The following PHF6 variants were observed in gnomAD, a reference collection of about 807,000 sequenced individuals.
The protein encoded by PHF6 is PHD-like zinc finger protein.
Under a neutral mutation model 34.0 loss-of-function variants are expected in PHF6, and 7 were observed. The ratio of observed to expected loss-of-function variants is 0.21; its 90% CI spans 0.12 to 0.39. The LOEUF (loss-of-function observed/expected upper bound fraction) is 0.39. Among genes scored for constraint, PHF6 ranks in the 10% least tolerant of loss-of-function variants. The pLI, the probability that PHF6 is intolerant of heterozygous loss-of-function variation, is 1.00. For missense variants in PHF6, 128 were observed against 262.8 expected, an observed-to-expected ratio of 0.49 and a Z score of 3.55; for synonymous variants, 89 against 88.4, an observed-to-expected ratio of 1.01 and a Z score of -0.04.
At chrX:134,388,587 T>C (rs1346057384) in intron 3 of PHF6, among the ~76,000 whole-genome samples, 2 of 111,501 alleles carry the variant, frequency 1.8e-5, no homozygotes, top group Admixed American at 9.6e-5. Flanking sequence ...ATATTAGATA[T>C]AGGACAATGA....
intron 3 of PHF6, among the ~76,000 whole-genome samples, chrX:134,386,662 C>T (rs1007377807): frequency 1.8e-5 from 2 of 111,138 alleles, no homozygotes; most frequent in Admixed American, 9.5e-5. Flanking sequence ...GTGATCCACC[C>T]GCCTCGGCCT....
chrX:134,425,550 G>A, intron 10 of PHF6, 111 bp from the exon 11 acceptor site: 1 of 395,715 alleles, frequency 2.5e-6, no homozygotes, highest in Non-Finnish European at 4.4e-6. Context: ...TTATCAATAA[G>A]TGTAGTTGTA....
intron 9 of PHF6, among the ~76,000 whole-genome samples, chrX:134,422,843 A>T (rs1315605116): frequency 1.8e-5 from 2 of 111,630 alleles, no homozygotes; most frequent in Non-Finnish European, 3.8e-5. Flanking sequence ...GGCCTATGGG[A>T]AATATTCTGC....
intron 5 of PHF6, among the ~76,000 whole-genome samples, chrX:134,401,516 T>C (rs940319630): frequency 8.9e-6 from 1 of 112,096 alleles, no homozygotes. Flanking sequence ...GGCTGCATCT[T>C]ACTCTTAAAC....
Position 134,393,483 on chromosome X carries a change from T to C in PHF6, c.241-18T>C, listed in dbSNP as rs771491388. On this transcript the variant is annotated intron_variant, in intron 3 of 10. Transcript: ENST00000370803. ...GAAAGTCACATACTAATAATATTAT[T>C]TTGTCGTTTTGCTGTAGATGTGTTC... 3.3e-6 allele frequency: 4 copies of C among 1,208,064 alleles called. No individual in the cohort carries two copies. The Admixed American group carries it at 8.7e-5, about 26-fold the overall frequency.
At chrX:134,416,673 C>T (rs1443427405) in intron 8 of PHF6, among the ~76,000 whole-genome samples, 3 of 111,933 alleles carry the variant, frequency 2.7e-5, no homozygotes, top group African/African-American at 6.5e-5. Flanking sequence ...TTTTAATCTC[C>T]GAACATTCTT....
At chrX:134,423,260 C>G (rs1270402771) in intron 9 of PHF6, among the ~76,000 whole-genome samples, 1 of 112,140 alleles carries the variant, frequency 8.9e-6, no homozygotes, top group Non-Finnish European at 1.9e-5. Flanking sequence ...CAAGGTCCAT[C>G]CATTGCATTT....
At chrX:134,413,010 C>T (rs1339248908) in intron 5 of PHF6, among the ~76,000 whole-genome samples, 1 of 111,961 alleles carries the variant, frequency 8.9e-6, no homozygotes, top group Non-Finnish European at 1.9e-5. Context: ...CTGTCTAATA[C>T]AGTTGCAACT....
At chrX:134,393,408 T>G (rs2077363217) in intron 3 of PHF6, 93 bp from the exon 4 acceptor site, 1 of 971,019 alleles carries the variant, frequency 1.0e-6, no homozygotes, top group South Asian at 2.3e-5. Flanking sequence ...ATAACCAATT[T>G]GTTTTCCTTG....
In PHF6 at chrX:134,373,375, C is replaced by G. The variant is rs774611578; in HGVS notation, c.-139C>G. Reference sequence around the variant, plus strand: ...GAAACAACCTCCGGCGACAGAGCCCCGCTCTCAGGCACTGCTGGAGAACCG... The same window carrying G: ...GAAACAACCTCCGGCGACAGAGCCCGGCTCTCAGGCACTGCTGGAGAACCG... On this transcript the variant is annotated 5_prime_UTR_variant, in exon 1 of 11. Coordinates refer to ENST00000370803, the MANE Select transcript of PHF6 (RefSeq NM_001015877.2). The G allele has an allele frequency of 8.9e-6, 1 of 112,920 alleles. No individual in the cohort carries two copies. The highest frequency in any genetic ancestry group is 1.9e-5 in the Non-Finnish European group (1 of 53,343). 9.3% of individuals were successfully genotyped at this position (112,920 alleles called of 1,213,427 possible).
At chrX:134,405,111 T>A (rs1027110737) in intron 5 of PHF6, among the ~76,000 whole-genome samples, 10 of 112,286 alleles carry the variant, frequency 8.9e-5, no homozygotes, top group Admixed American at 8.5e-4. Flanking sequence ...GTGCTCTTCC[T>A]TAGATGACAA....
At chrX:134,393,871 GTTTGCTTAC>G in intron 4 of PHF6, 29 bp from the exon 5 acceptor site, 4 of 1,161,348 alleles carry the variant, frequency 3.4e-6, no homozygotes, top group African/African-American at 1.8e-5. Context: ...GTTTAATTTA[GTTTGCTTAC>G]TAATTTTTGA....
chrX:134,391,498 A>G (rs763276869), intron 3 of PHF6, among the ~76,000 whole-genome samples: 2 of 111,809 alleles, frequency 1.8e-5, no homozygotes, highest in Non-Finnish European at 3.8e-5. Flanking sequence ...TGTATACAAC[A>G]GTGCCCATCT....
At chrX:134,409,004 G>A (rs959929332) in intron 5 of PHF6, among the ~76,000 whole-genome samples, 4 of 112,035 alleles carry the variant, frequency 3.6e-5, no homozygotes, top group East Asian at 2.8e-4. Context: ...CTGAGCTACC[G>A]CACCGGCCCC....
chrX:134,397,876 G>T (rs891182839), intron 5 of PHF6, among the ~76,000 whole-genome samples: 3 of 111,722 alleles, frequency 2.7e-5, no homozygotes, highest in Non-Finnish European at 3.8e-5. Context: ...ATAAATAGTT[G>T]CACAATTAAT....
At chrX:134,414,977 G>T (rs1602716363) in intron 7 of PHF6, 39 bp from the exon 8 acceptor site, 2 of 1,062,834 alleles carry the variant, frequency 1.9e-6, no homozygotes, top group Non-Finnish European at 2.6e-6. Context: ...CTCTCATAAG[G>T]ATTCTGAATG....
chrX:134,379,879 T>C (rs2077298964), intron 3 of PHF6, among the ~76,000 whole-genome samples: 1 of 112,332 alleles, frequency 8.9e-6, no homozygotes, highest in Non-Finnish European at 1.9e-5. Flanking sequence ...TAAAAAAGAA[T>C]GATACTTACT....
chrX:134,396,171 G>A (rs1474771077), intron 5 of PHF6, among the ~76,000 whole-genome samples: 2 of 111,174 alleles, frequency 1.8e-5, no homozygotes, highest in African/African-American at 3.3e-5. Flanking sequence ...TGGAGAATGG[G>A]GTATCCATCC....
chrX:134,410,444 G>C (rs2077445079), intron 5 of PHF6, among the ~76,000 whole-genome samples: 1 of 110,957 alleles, frequency 9.0e-6, no homozygotes. Context: ...TTTGCACTTT[G>C]ATGCTGGAGA....
Sources: gnomAD v4.1 joint callset for allele counts (sites outside exome capture counted in the v4.1 genomes callset) on GRCh38, gnomAD v4.1.1 for gene constraint, MANE v1.5 for transcripts, NCBI Gene and HGNC (gene_info 2026-07-23, HGNC 2026-07-21) for gene names.